Variants in CDH13 observed in about 807,000 individuals in gnomAD.
CDH13 encodes cadherin-13.
CDH13 carries 24 observed loss-of-function variants against 63.8 expected under a neutral mutation model. The observed-to-expected ratio is 0.38, with a 90% CI of 0.27 to 0.53. The LOEUF (loss-of-function observed/expected upper bound fraction) is 0.53, where lower values mean the gene tolerates loss of function less well. CDH13 is among the 20% of genes least tolerant of loss of function. The pLI is 0.85. For missense variants in CDH13, 1,049 were observed against 903.1 expected, an observed-to-expected ratio of 1.16 and a Z score of -2.07; for synonymous variants, 503 against 355.3, an observed-to-expected ratio of 1.42 and a Z score of -4.67.
intron 2 of CDH13, among the ~76,000 whole-genome samples, chr16:83,028,056 T>C (rs539882978): frequency 7.9e-5 from 12 of 152,160 alleles, no homozygotes; most frequent in African/African-American, 1.9e-4. Context: ...CCACAAACTT[T>C]CATATGCCTT....
At chr16:83,163,449 C>T (rs1485228045) in intron 4 of CDH13, among the ~76,000 whole-genome samples, 2 of 152,076 alleles carry the variant, frequency 1.3e-5, no homozygotes, top group African/African-American at 4.8e-5. Context: ...CCGCTAACCT[C>T]CTCTTGTAGT....
chr16:82,959,290 C>T (rs562653767), intron 2 of CDH13, among the ~76,000 whole-genome samples: 2 of 152,306 alleles, frequency 1.3e-5, no homozygotes, highest in Admixed American at 6.5e-5. Flanking sequence ...AATTAAAGGA[C>T]ATTCATTTCA....
At chr16:83,100,768 C>A (rs545358318) in intron 3 of CDH13, among the ~76,000 whole-genome samples, 2 of 152,294 alleles carry the variant, frequency 1.3e-5, no homozygotes, top group South Asian at 4.1e-4. Flanking sequence ...AAACAGCCAT[C>A]CCCTTAGGGT....
chr16:83,199,620 C>T (rs1195471989), intron 4 of CDH13, among the ~76,000 whole-genome samples: 1 of 152,216 alleles, frequency 6.6e-6, no homozygotes, highest in Non-Finnish European at 1.5e-5. Context: ...ACTTGAAAAA[C>T]ATTTTAAACC....
At chr16:83,414,139 A>C (rs796829247) in intron 6 of CDH13, among the ~76,000 whole-genome samples, 3 of 152,310 alleles carry the variant, frequency 2.0e-5, no homozygotes, top group African/African-American at 7.2e-5. Flanking sequence ...AAGGTACCAA[A>C]AATATTCTCA....
chr16:83,455,153 G>T (rs1163415416), intron 6 of CDH13, among the ~76,000 whole-genome samples: 1 of 152,188 alleles, frequency 6.6e-6, no homozygotes, highest in African/African-American at 2.4e-5. Context: ...TACCTAGCAG[G>T]TTATAGACCT....
At chr16:83,216,443 T>TATATATATATATATATATATATATATAC (rs1472700247) in intron 4 of CDH13, among the ~76,000 whole-genome samples, 2 of 93,420 alleles carry the variant, frequency 2.1e-5, no homozygotes, top group African/African-American at 3.9e-5. Context: ...TATATATATA[T>TATATATATATATATATATATATATATAC]ACACAACCCT....
chr16:83,114,675 G>T (rs1490519433), intron 3 of CDH13, among the ~76,000 whole-genome samples: 1 of 152,172 alleles, frequency 6.6e-6, no homozygotes, highest in Non-Finnish European at 1.5e-5. Flanking sequence ...TGGAAATTTA[G>T]GGAGCTTGTA....
chr16:83,507,145 C>G (rs950083198), intron 7 of CDH13, among the ~76,000 whole-genome samples: 2 of 152,212 alleles, frequency 1.3e-5, no homozygotes, highest in African/African-American at 2.4e-5. Context: ...TGGACTTTTT[C>G]TGGTCTTCTT....
At position 83,669,499 on chromosome 16, in the gene CDH13, G is replaced by T. The variant is rs1252996411; in HGVS notation, c.1102-1291G>T. ...ATAATTGCACCCTGGAGTTGTTTCT[G>T]TGTTACAGCAGCCTCAGTATCCCTT... On this transcript the variant is annotated intron_variant, in intron 8 of 13. Transcript: ENST00000567109. Among the ~76,000 whole-genome samples the T allele has an allele frequency of 2.6e-5, 4 of 152,198 alleles. No homozygotes were observed. The East Asian group carries it at 7.7e-4, about 29-fold the overall frequency.
intron 5 of CDH13, among the ~76,000 whole-genome samples, chr16:83,239,408 T>G (rs1904296607): frequency 6.6e-6 from 1 of 152,172 alleles, no homozygotes; most frequent in Non-Finnish European, 1.5e-5. Context: ...GTTTAATCCT[T>G]CTGGAGAGCC....
At chr16:83,625,029 G>A (rs563836044) in intron 8 of CDH13, among the ~76,000 whole-genome samples, 11 of 152,282 alleles carry the variant, frequency 7.2e-5, no homozygotes, top group South Asian at 4.1e-4. Flanking sequence ...TGGCCATGGG[G>A]GGAATATTTA....
chr16:82,686,038 A>T lies in CDH13; in HGVS notation c.45+58901A>T, dbSNP rs559889614. Among the ~76,000 whole-genome samples the T allele has an allele frequency of 2.0e-3, 306 of 152,148 alleles. 3 individuals are homozygous for T. The highest frequency in any genetic ancestry group is 7.1e-3 in the African/African-American group (295 of 41,508). ...TCTGCATTATCCCTAGTGAATTACA[A>T]TTTTTTCTCCCAACTGCAAGTAGAA... On this transcript the variant is annotated intron_variant, in intron 1 of 13. Coordinates refer to ENST00000567109, the MANE Select transcript of CDH13 (RefSeq NM_001257.5).
At chr16:82,865,812 T>C (rs1302611780) in intron 2 of CDH13, among the ~76,000 whole-genome samples, 1 of 152,252 alleles carries the variant, frequency 6.6e-6, no homozygotes, top group African/African-American at 2.4e-5. Flanking sequence ...AAATGTTTTT[T>C]TCTTTTCTAT....
Position 83,353,668 on chromosome 16 carries a change from C to T in CDH13, c.781+8662C>T, listed in dbSNP as rs150281295. 4.7e-3 allele frequency among the ~76,000 whole-genome samples: 710 copies of T among 152,342 alleles called. 9 individuals carry two copies. Among genetic ancestry groups the T allele is most frequent in the African/African-American group, 0.017 (688 of 41,560 alleles). The stretch of plus-strand genomic sequence containing the variant: ...TGGAGATCAGCTCAAGAGATGGACA[C>T]CCCATTGTTTCCTGAAACACTCTCC... On this transcript the variant is annotated intron_variant, in intron 6 of 13. Coordinates refer to ENST00000567109, the MANE Select transcript of CDH13 (RefSeq NM_001257.5).
At chr16:82,629,119 C>G (rs1376001758) in intron 1 of CDH13, among the ~76,000 whole-genome samples, 1 of 152,218 alleles carries the variant, frequency 6.6e-6, no homozygotes, top group Non-Finnish European at 1.5e-5. Flanking sequence ...TAAAGCAAGA[C>G]AGACCACGTG....
At chr16:83,442,784 A>G (rs1404482972) in intron 6 of CDH13, among the ~76,000 whole-genome samples, 1 of 152,258 alleles carries the variant, frequency 6.6e-6, no homozygotes, top group Admixed American at 6.5e-5. Context: ...AGAAGATGTA[A>G]AATGTTTATA....
At chr16:83,217,791 G>T (rs1052709644) in intron 5 of CDH13, among the ~76,000 whole-genome samples, 1 of 152,148 alleles carries the variant, frequency 6.6e-6, no homozygotes, top group African/African-American at 2.4e-5. Context: ...GGGCAACTTT[G>T]GCTTTCCAGA....
At chr16:82,753,485 A>G (rs1316316312) in intron 1 of CDH13, among the ~76,000 whole-genome samples, 1 of 152,110 alleles carries the variant, frequency 6.6e-6, no homozygotes, top group Non-Finnish European at 1.5e-5. Context: ...TTCCCCTGCT[A>G]AGCTACAGAC....
Sources: gnomAD v4.1 joint callset for allele counts (sites outside exome capture counted in the v4.1 genomes callset) on GRCh38, gnomAD v4.1.1 for gene constraint, MANE v1.5 for transcripts, NCBI Gene and HGNC (gene_info 2026-07-23, HGNC 2026-07-21) for gene names.